Variants in MMS19 observed in about 807,000 individuals in gnomAD.
MMS19 encodes MMS19 nucleotide excision repair protein homolog.
A neutral mutation model predicts 129.8 loss-of-function variants in MMS19; 77 were observed. The observed-to-expected ratio is 0.59, with a 90% confidence interval of 0.49 to 0.72. The LOEUF is 0.72. Among genes scored for constraint, MMS19 ranks in the 30% least tolerant of loss-of-function variants. MMS19 has a pLI of 0.00. For missense variants in MMS19, 1,168 were observed against 1,266.3 expected, an observed-to-expected ratio of 0.92 and a Z score of 1.18; for synonymous variants, 491 against 502.8, an observed-to-expected ratio of 0.98 and a Z score of 0.31.
At chr10:97,491,879 G>A (rs1312130674) in intron 1 of MMS19, among the ~76,000 whole-genome samples, 1 of 152,096 alleles carries the variant, frequency 6.6e-6, no homozygotes, top group Non-Finnish European at 1.5e-5. Context: ...GGTGGCTCAT[G>A]CCAGTAATCC....
intron 18 of MMS19, among the ~76,000 whole-genome samples, chr10:97,465,345 CCAGGCTGGA>C (rs1040263727): frequency 2.0e-5 from 3 of 152,000 alleles, no homozygotes; most frequent in African/African-American, 7.2e-5. Flanking sequence ...CCCAGGCTGG[CCAGGCTGGA>C]GTACAGTGGC....
At chr10:97,482,080 G>A (rs985135570) in intron 2 of MMS19, among the ~76,000 whole-genome samples, 1 of 152,240 alleles carries the variant, frequency 6.6e-6, no homozygotes, top group Admixed American at 6.5e-5. Flanking sequence ...GGAGGCTGAG[G>A]TGGGTGGATG....
Position 97,466,149 on chromosome 10 carries a change from C to A in MMS19, c.1516G>T (p.Ala506Ser), listed in dbSNP as rs754178939. 1 of 1,568,894 alleles carries A rather than the reference C, an allele frequency of 6.4e-7. No individual in the cohort carries two copies. Among genetic ancestry groups the A allele is most frequent in the Non-Finnish European group, 8.6e-7 (1 of 1,156,796 alleles). The change falls in exon 17 of 31, where the codon GCA (alanine) becomes TCA (serine). Residue 506 changes from alanine to serine, a missense_variant. Around this residue, in one of 3 missense-constraint regions of MMS19, gnomAD observed 831 missense variants for 910.8 expected, o/e 0.91. Transcript: ENST00000438925. Reference protein sequence around the residue: ...KEDSQSCRVAALEASGTLAAL... With the variant: ...KEDSQSCRVASLEASGTLAAL... The stretch of plus-strand genomic sequence containing the variant: ...GCCAGGGTTCCTGATGCTTCCAGTG[C>A]TGCCACCCTGCTGGAGGCGCAGAGC...
rs1422816252 is a variant in MMS19 at position 97,460,232 on chromosome 10, G to A, written c.2470C>T (p.Leu824Phe). 1.9e-6 allele frequency: 3 copies of A among 1,608,700 alleles called. No homozygotes were observed. The highest frequency in any genetic ancestry group is 2.2e-5 in the East Asian group (1 of 44,772). The stretch of plus-strand genomic sequence containing the variant: ...TCTGGGTCACTCAGGAGGCCCATGA[G>A]CTGGAGAAAAAAGAGCCTTTGAGGT... ...HPLSSCLTARLMGLLSDPELG... is the reference protein window; with the variant it reads ...HPLSSCLTARFMGLLSDPELG... The change falls in exon 26 of 31, where the codon CTC becomes TTC. Residue 824 changes from leucine to phenylalanine, a missense_variant and splice_region_variant. Around this residue, in one of 3 missense-constraint regions of MMS19, gnomAD observed 831 missense variants for 910.8 expected, o/e 0.91. Transcript: ENST00000438925.
rs1430925189 is a variant in MMS19 at position 97,476,681 on chromosome 10, A to AC, written c.684+1dup. ...TGATCAAACAATGAAGGTGCTACTT[A>AC]CAGGGGTAAAATCGATAGGGAAATA... On this transcript the variant is annotated splice_donor_variant, in intron 8 of 30. Transcript: ENST00000438925. LOFTEE classifies it high-confidence loss of function. 3 of 1,613,534 alleles carry AC rather than the reference A, an allele frequency of 1.9e-6. No homozygotes were observed. The highest frequency in any genetic ancestry group is 1.3e-5 in the African/African-American group (1 of 74,932).
intron 5 of MMS19, 109 bp from the exon 6 acceptor site, chr10:97,477,525 CA>C: frequency 7.0e-7 from 1 of 1,425,142 alleles, no homozygotes; most frequent in Non-Finnish European, 9.8e-7. Flanking sequence ...TTTATACCAG[CA>C]TAAGATCAAT....
chr10:97,497,102 A>T (rs1046115582), intron 1 of MMS19, among the ~76,000 whole-genome samples: 2 of 152,218 alleles, frequency 1.3e-5, no homozygotes, highest in African/African-American at 4.8e-5. Flanking sequence ...TGGTGGCAGC[A>T]CCAGGTATTT....
intron 12 of MMS19, 106 bp downstream of exon 12, chr10:97,468,860 C>G: frequency 1.6e-6 from 2 of 1,226,306 alleles, no homozygotes; most frequent in Non-Finnish European, 2.2e-6. Context: ...CCACCCGCCT[C>G]GGCCTCCTAA....
intron 8 of MMS19, among the ~76,000 whole-genome samples, chr10:97,472,144 C>G (rs1424086719): frequency 2.0e-5 from 3 of 152,098 alleles, no homozygotes; most frequent in South Asian, 2.1e-4. Flanking sequence ...AACCAAACAT[C>G]AGTTTATAGA....
rs1427003468 is a variant in MMS19, at chr10:97,477,371, T to C, written c.469A>G (p.Asn157Asp). Residue 157 changes from asparagine (N) to aspartate (D), a missense_variant, in exon 6 of 31, where the codon AAT becomes GAT. Asn to Asp is a conservative substitution (Grantham distance 23). Coordinates refer to ENST00000438925, the MANE Select transcript of MMS19 (RefSeq NM_022362.5). ...CCTTCTTCCCGGGTTCGCATAAAATTGGTGATGATATTGTAGACTGTGTGT... is the reference window on the plus strand; with the variant it reads ...CCTTCTTCCCGGGTTCGCATAAAATCGGTGATGATATTGTAGACTGTGTGT... ...DRHTVYNIITNFMRTREEELK... is the reference protein window; with the variant it reads ...DRHTVYNIITDFMRTREEELK... 6.2e-7 allele frequency: 1 copy of C among 1,613,920 alleles called. No homozygotes were observed. The highest frequency in any genetic ancestry group is 8.5e-7 in the Non-Finnish European group (1 of 1,179,882).
At chr10:97,473,763 C>T (rs1366669439) in intron 8 of MMS19, among the ~76,000 whole-genome samples, 1 of 152,098 alleles carries the variant, frequency 6.6e-6, no homozygotes, top group East Asian at 1.9e-4. Context: ...GCTACTGTAG[C>T]TGTTCCTGTG....
At chr10:97,467,962 C>T (rs2033874255) in intron 13 of MMS19, among the ~76,000 whole-genome samples, 1 of 151,350 alleles carries the variant, frequency 6.6e-6, no homozygotes, top group Non-Finnish European at 1.5e-5. Context: ...ACCAGCATGT[C>T]CTGCTTGGCT....
chr10:97,467,830 A>ATT (rs1285490114), intron 13 of MMS19, among the ~76,000 whole-genome samples: 3,909 of 137,374 alleles, frequency 0.028, 94 homozygotes, highest in Non-Finnish European at 0.046. Flanking sequence ...TATCCAGCTA[A>ATT]TTTTTTTTTT....
chr10:97,475,176 CAT>C (rs1335553921), intron 8 of MMS19, among the ~76,000 whole-genome samples: 2 of 151,888 alleles, frequency 1.3e-5, no homozygotes, highest in Non-Finnish European at 2.9e-5. Flanking sequence ...CTCTCCAAGA[CAT>C]AGTGTTCAGT....
intron 30 of MMS19, 22 bp downstream of exon 30, chr10:97,458,778 T>C: frequency 6.2e-7 from 1 of 1,613,686 alleles, no homozygotes; most frequent in South Asian, 1.1e-5. Flanking sequence ...GTCCCATCTC[T>C]CCCCACGACC....
chr10:97,470,064 ATATCCTT>A, intron 10 of MMS19, 58 bp downstream of exon 10: 1 of 1,108,982 alleles, frequency 9.0e-7, no homozygotes, highest in East Asian at 2.5e-5. Flanking sequence ...CCTAGAATCT[ATATCCTT>A]TAGGACCCCT....
At position 97,461,040 on chromosome 10, in the gene MMS19, G is replaced by C. The variant is rs1388846062; in HGVS notation, c.2312-33C>G. 2.7e-6 allele frequency: 4 copies of C among 1,487,670 alleles called. No individual in the cohort carries two copies. The Admixed American group carries it at 8.5e-5, about 32-fold the overall frequency. The allele number at this position is 1,487,670 out of a possible 1,614,324, so 92.2% of individuals were successfully genotyped here. A position where few individuals can be genotyped will look rare whatever the true frequency, so the allele number is the denominator to read the frequency against. Reference sequence around the variant, plus strand: ...GGAGAGAGGAAATGCTGACATAAAGGCTACACATTTTCCCTTTAGCAATGA... The same window carrying C: ...GGAGAGAGGAAATGCTGACATAAAGCCTACACATTTTCCCTTTAGCAATGA... On this transcript the variant is annotated intron_variant, in intron 23 of 30. Transcript: ENST00000438925.
At position 97,482,846 on chromosome 10, in the gene MMS19, C is replaced by T. The variant is rs557113165; in HGVS notation, c.161+1257G>A. ...CGTAATCTCAGCTCACTGCAAGCTCCGCCTCGCGGGTTCACCCCATCCTCC... is the reference window on the plus strand; with the variant it reads ...CGTAATCTCAGCTCACTGCAAGCTCTGCCTCGCGGGTTCACCCCATCCTCC... On this transcript the variant is annotated intron_variant, in intron 2 of 30. Transcript: ENST00000438925. Among the ~76,000 whole-genome samples, 88 of 151,948 alleles carry T rather than the reference C, an allele frequency of 5.8e-4. 1 individual carries two copies. The highest frequency in any genetic ancestry group is 6.8e-3 in the Middle Eastern group (2 of 294).
At chr10:97,488,634 G>A (rs530851515) in intron 1 of MMS19, among the ~76,000 whole-genome samples, 4 of 152,298 alleles carry the variant, frequency 2.6e-5, no homozygotes, top group East Asian at 3.9e-4. Flanking sequence ...TAAGTGCTAC[G>A]CAAATAGTTG....
Sources: allele counts gnomAD v4.1 joint callset (sites outside exome capture counted in the v4.1 genomes callset), GRCh38; gene constraint gnomAD v4.1.1; regional missense constraint gnomAD v4.1.1; transcripts MANE v1.5; gene names NCBI Gene and HGNC (gene_info 2026-07-23, HGNC 2026-07-21).